SERPINB11: variants seen among roughly 807,000 people sequenced by gnomAD.
The protein encoded by SERPINB11 is serpin B11.
Under a neutral mutation model 36.7 loss-of-function variants are expected in SERPINB11, and 32 were observed. That is an observed-to-expected ratio of 0.87 (90% confidence interval 0.66 to 1.17). The LOEUF (loss-of-function observed/expected upper bound fraction) is 1.17. Among genes scored for constraint, SERPINB11 ranks in the 50% most tolerant of loss-of-function variants. The probability of loss-of-function intolerance (pLI) is 0.00; values close to 1 mark genes in which losing one functional copy is unlikely to be tolerated. For synonymous variants in SERPINB11, 174 were observed against 168.1 expected, an observed-to-expected ratio of 1.04 and a Z score of -0.27; for missense variants, 528 against 458.4, an observed-to-expected ratio of 1.15 and a Z score of -1.39.
chr18:63,719,886 G>T, intron 5 of SERPINB11, 127 bp from the exon 6 acceptor site: 1 of 674,600 alleles, frequency 1.5e-6, no homozygotes, highest in Non-Finnish European at 2.4e-6. Flanking sequence ...GATGAAAGGA[G>T]TTCTTCTGGT....
Position 63,710,243 on chromosome 18 carries a change from A to G in SERPINB11, c.50A>G (p.Lys17Arg), listed in dbSNP as rs1016929313. 12 of 1,613,428 alleles carry G rather than the reference A, an allele frequency of 7.4e-6. No homozygotes were observed. Among genetic ancestry groups the G allele is most frequent in the Admixed American group, 1.7e-5 (1 of 59,960 alleles). The change falls in exon 2 of 8, where the codon AAA becomes AGA. Residue 17 changes from lysine to arginine, a missense_variant. Transcript: ENST00000544088. The part of the protein sequence containing the change: ...ANVEFCLDVF[K>R]ELNSNNIGDN... ...GTTGAATTTTGCCTTGATGTGTTCA[A>G]AGAGCTGAACAGTAACAACATAGGA...
At chr18:63,714,132 A>T (rs1029259756) in intron 4 of SERPINB11, among the ~76,000 whole-genome samples, 4 of 152,146 alleles carry the variant, frequency 2.6e-5, no homozygotes, top group Non-Finnish European at 5.9e-5. Context: ...TACAACAGAG[A>T]GAAATTTTAA....
At chr18:63,706,283 TG>T (rs1914370903) in intron 1 of SERPINB11, among the ~76,000 whole-genome samples, 1 of 152,228 alleles carries the variant, frequency 6.6e-6, no homozygotes, top group South Asian at 2.1e-4. Flanking sequence ...TATTCCCTTT[TG>T]GTCTGTCTCT....
In SERPINB11 at chr18:63,716,205, C is replaced by T. The variant is rs1011804497; in HGVS notation, c.475+53C>T. ...AACTCTGTGTTGTGTTGATAAGCAA[C>T]CTGAGTCCACTTGCTAAAGAGGAAG... On this transcript the variant is annotated intron_variant, in intron 5 of 7. Coordinates refer to ENST00000544088, the MANE Select transcript of SERPINB11 (RefSeq NM_001370475.1). The T allele has an allele frequency of 1.1e-5, 13 of 1,147,572 alleles. No individual in the cohort carries two copies. In the African/African-American group the frequency reaches 2.0e-4, roughly 18 times the overall value. The allele number at this position is 1,147,572 out of a possible 1,614,324, so 71.1% of individuals were successfully genotyped here.
chr18:63,716,313 G>T lies in SERPINB11; in HGVS notation c.475+161G>T, dbSNP rs545030893. 8.5e-5 allele frequency among the ~76,000 whole-genome samples: 13 copies of T among 152,218 alleles called. No homozygotes were observed. The South Asian group carries it at 2.3e-3, about 27-fold the overall frequency. On this transcript the variant is annotated intron_variant, in intron 5 of 7. Coordinates refer to ENST00000544088, the MANE Select transcript of SERPINB11 (RefSeq NM_001370475.1). The stretch of plus-strand genomic sequence containing the variant: ...TTTGGAATACCCCTTACAATCAGTT[G>T]TTCTAGAAGCTATACAAAGTGACTC...
Position 63,714,418 on chromosome 18 carries a change from G to A in SERPINB11, c.358-1617G>A, listed in dbSNP as rs150601115. Among the ~76,000 whole-genome samples, 516 of 152,152 alleles carry A rather than the reference G, an allele frequency of 3.4e-3. 5 individuals carry two copies. The highest frequency in any genetic ancestry group is 0.012 in the African/African-American group (490 of 41,506). The stretch of plus-strand genomic sequence containing the variant: ...AGGCAGGGTTTGAGAGCAGACAACC[G>A]GTCTGACTAAAATTTACTAGTCAGG... On this transcript the variant is annotated intron_variant, in intron 4 of 7. Coordinates refer to ENST00000544088, the MANE Select transcript of SERPINB11 (RefSeq NM_001370475.1).
At chr18:63,712,238 C>A (rs992904149) in intron 3 of SERPINB11, among the ~76,000 whole-genome samples, 3 of 152,152 alleles carry the variant, frequency 2.0e-5, no homozygotes, top group Non-Finnish European at 4.4e-5. Context: ...ACAAAGGCAG[C>A]AATAACACTG....
chr18:63,704,405 A>G (rs977506293), intron 1 of SERPINB11, among the ~76,000 whole-genome samples: 3 of 152,232 alleles, frequency 2.0e-5, no homozygotes, highest in Admixed American at 6.5e-5. Flanking sequence ...AGATCTCTGC[A>G]AACAGAAAGG....
At chr18:63,722,369 T>A (rs1004757842) in intron 7 of SERPINB11, among the ~76,000 whole-genome samples, 10 of 151,850 alleles carry the variant, frequency 6.6e-5, no homozygotes, top group Non-Finnish European at 1.5e-4. Flanking sequence ...GAGGGAGGCG[T>A]TTGAAAGGTT....
At chr18:63,710,113 C>G (rs1914477259) in intron 1 of SERPINB11, 66 bp from the exon 2 acceptor site, 1 of 1,298,744 alleles carries the variant, frequency 7.7e-7, no homozygotes, top group Non-Finnish European at 1.0e-6. Flanking sequence ...AATACAATAA[C>G]TGAACTCCAG....
At chr18:63,713,304 G>T (rs1380385784) in intron 4 of SERPINB11, among the ~76,000 whole-genome samples, 1 of 152,080 alleles carries the variant, frequency 6.6e-6, no homozygotes, top group Non-Finnish European at 1.5e-5. Flanking sequence ...CTAAGATATT[G>T]GTATAAAATT....
intron 5 of SERPINB11, among the ~76,000 whole-genome samples, chr18:63,718,032 T>C (rs1724933041): frequency 6.6e-6 from 1 of 152,088 alleles, no homozygotes; most frequent in South Asian, 2.1e-4. Flanking sequence ...GTCTAATTGC[T>C]ATGGCACTAC....
intron 3 of SERPINB11, among the ~76,000 whole-genome samples, chr18:63,711,676 A>G (rs1484413535): frequency 6.6e-6 from 1 of 151,928 alleles, no homozygotes; most frequent in East Asian, 1.9e-4. Context: ...TGAGTTTGCC[A>G]GTTTTGTCTA....
chr18:63,716,753 A>G (rs1375219741), intron 5 of SERPINB11, among the ~76,000 whole-genome samples: 1 of 151,524 alleles, frequency 6.6e-6, no homozygotes, highest in Non-Finnish European at 1.5e-5. Context: ...TAATCCTTTA[A>G]TGTTAAATAT....
At chr18:63,711,703 T>C (rs1336692374) in intron 3 of SERPINB11, among the ~76,000 whole-genome samples, 1 of 152,204 alleles carries the variant, frequency 6.6e-6, no homozygotes, top group Non-Finnish European at 1.5e-5. Context: ...GTTAGACTTT[T>C]CTGTCTAGAG....
chr18:63,708,526 C>T (rs773055877), intron 1 of SERPINB11, among the ~76,000 whole-genome samples: 1 of 152,090 alleles, frequency 6.6e-6, no homozygotes, highest in Non-Finnish European at 1.5e-5. Flanking sequence ...TAAGGATGAT[C>T]ACAAGGTTTT....
chr18:63,709,407 C>T (rs374353005), intron 1 of SERPINB11, among the ~76,000 whole-genome samples: 16 of 151,916 alleles, frequency 1.1e-4, no homozygotes, highest in Admixed American at 7.9e-4. Context: ...GTCAGGAGGT[C>T]GAGACCATCC....
At chr18:63,709,233 C>T (rs1370383603) in intron 1 of SERPINB11, among the ~76,000 whole-genome samples, 7 of 152,080 alleles carry the variant, frequency 4.6e-5, no homozygotes, top group Admixed American at 3.9e-4. Flanking sequence ...GATCTCTGAC[C>T]ACTTTCTTAT....
intron 1 of SERPINB11, 123 bp downstream of exon 1, chr18:63,703,129 A>G (rs2144524824): frequency 6.6e-6 from 1 of 152,350 alleles, no homozygotes; most frequent in African/African-American, 2.4e-5. Context: ...GGGGCAACTT[A>G]TTATTTAATT....
Sources: allele counts gnomAD v4.1 joint callset (sites outside exome capture counted in the v4.1 genomes callset), GRCh38; gene constraint gnomAD v4.1.1; transcripts MANE v1.5; gene names NCBI Gene and HGNC (gene_info 2026-07-23, HGNC 2026-07-21).